Variants in OSBPL5 observed in about 807,000 individuals in gnomAD.
OSBPL5 encodes oxysterol-binding protein-related protein 5.
Under a neutral mutation model 111.2 loss-of-function variants are expected in OSBPL5, and 71 were observed. That is an observed-to-expected ratio of 0.64 (90% CI 0.53 to 0.78). OSBPL5 has a LOEUF of 0.78. OSBPL5 is among the 30% of genes least tolerant of loss of function. OSBPL5 has a pLI of 0.00. For synonymous variants in OSBPL5, 549 were observed against 513.9 expected (o/e 1.07, Z -0.93); for missense variants, 1,210 against 1,189.3 (o/e 1.02, Z -0.26).
At chr11:3,137,945 T>C (rs1845994968) in intron 1 of OSBPL5, among the ~76,000 whole-genome samples, 1 of 152,352 alleles carries the variant, frequency 6.6e-6, no homozygotes, top group Middle Eastern at 3.4e-3. Context: ...GCTGTGGAGC[T>C]GAGGGGGAGG....
At chr11:3,103,800 GCAGCCC>G (rs1564830267) in intron 10 of OSBPL5, among the ~76,000 whole-genome samples, 20 of 43,020 alleles carry the variant, frequency 4.6e-4, no homozygotes, top group South Asian at 1.3e-3. Flanking sequence ...TCCTGCCTCT[GCAGCCC>G]TCTTCCTGCC....
chr11:3,114,715 C>A (rs1247539978), intron 7 of OSBPL5, among the ~76,000 whole-genome samples: 1 of 151,318 alleles, frequency 6.6e-6, no homozygotes, highest in Non-Finnish European at 1.5e-5. Flanking sequence ...TCTCCTGCCC[C>A]AGCCTCCTGA....
chr11:3,157,348 CA>C (rs1264291555), intron 1 of OSBPL5, among the ~76,000 whole-genome samples: 9 of 152,182 alleles, frequency 5.9e-5, no homozygotes, highest in African/African-American at 2.2e-4. Flanking sequence ...TACGAGAGGT[CA>C]CCCTGATGAG....
chr11:3,148,863 G>A (rs1846463509), intron 1 of OSBPL5, among the ~76,000 whole-genome samples: 2 of 152,286 alleles, frequency 1.3e-5, no homozygotes, highest in East Asian at 1.9e-4. Context: ...TCAAGTAACC[G>A]GCACAAGATA....
At chr11:3,088,898 C>T (rs906688506) in intron 21 of OSBPL5, among the ~76,000 whole-genome samples, 10 of 152,098 alleles carry the variant, frequency 6.6e-5, no homozygotes, top group Admixed American at 3.9e-4. Context: ...CTCCAGCCTC[C>T]GGGACCGCGA....
Position 3,107,512 on chromosome 11 carries a change from C to A in OSBPL5, c.867-57G>T. 6.4e-7 allele frequency: 1 copy of A among 1,569,304 alleles called. No homozygotes were observed. Among genetic ancestry groups the A allele is most frequent in the South Asian group, 1.1e-5 (1 of 88,978 alleles). On this transcript the variant is annotated intron_variant, in intron 8 of 21. Coordinates refer to ENST00000263650, the MANE Select transcript of OSBPL5 (RefSeq NM_020896.4). This position sits in a 1 kb window ranked among gnomAD's most constrained non-coding sequence, Gnocchi z 6.1. ...TCACAGGTGAGAGCCCAGCACAGCC[C>A]TCTGGGCTGCCCACCCCTCGCTGCT...
intron 3 of OSBPL5, among the ~76,000 whole-genome samples, chr11:3,123,236 C>T (rs919682778): frequency 1.3e-5 from 2 of 152,180 alleles, no homozygotes; most frequent in Non-Finnish European, 2.9e-5. Context: ...CGAGTTGGGA[C>T]ACAGAACCAG....
intron 13 of OSBPL5, among the ~76,000 whole-genome samples, 193 bp from the exon 14 acceptor site, chr11:3,100,449 CAGGACATCTGTGCTG>C (rs1334570279): frequency 6.6e-6 from 1 of 152,218 alleles, no homozygotes; most frequent in Non-Finnish European, 1.5e-5. Context: ...CCAGTGTGCA[CAGGACATCTGTGCTG>C]AGAAGTTATT....
intron 1 of OSBPL5, among the ~76,000 whole-genome samples, chr11:3,159,874 A>G (rs1213196193): frequency 6.6e-6 from 1 of 152,124 alleles, no homozygotes; most frequent in Non-Finnish European, 1.5e-5. Flanking sequence ...CATGAGCCTC[A>G]CTTTACAGAC....
In OSBPL5 at chr11:3,104,117, A is replaced by G. The variant is rs1027628365; in HGVS notation, c.1244+76T>C. 1 of 1,456,838 alleles carries G rather than the reference A, an allele frequency of 6.9e-7. No homozygotes were observed. Among genetic ancestry groups the G allele is most frequent in the Non-Finnish European group, 9.3e-7 (1 of 1,074,290 alleles). The allele number at this position is 1,456,838 out of a possible 1,614,324, so 90.2% of individuals were successfully genotyped here. On this transcript the variant is annotated intron_variant, in intron 10 of 21. Transcript: ENST00000263650. This position sits in a 1 kb window ranked among gnomAD's most constrained non-coding sequence, Gnocchi z 5.0. ...CTCTGGAAGCCCCCACAGGGCAGGT[A>G]GGGGCTGGGGGTGCTGCAGGGTCTC...
At chr11:3,120,931 A>C (rs1858387558) in intron 5 of OSBPL5, among the ~76,000 whole-genome samples, 1 of 152,220 alleles carries the variant, frequency 6.6e-6, no homozygotes, top group African/African-American at 2.4e-5. Flanking sequence ...GTTATGGTGA[A>C]TGCAAAGAAA....
In OSBPL5 at chr11:3,146,353, G is replaced by C. The variant is rs888881140; in HGVS notation, c.-21-17184C>G. ...CACTCCGGGGGAGGTGAGGGCAGAC[G>C]AGGAGGGGAACTCACGGGAAGGTAG... On this transcript the variant is annotated intron_variant, in intron 1 of 21. Transcript: ENST00000263650. This position sits in a 1 kb window ranked among gnomAD's most constrained non-coding sequence, Gnocchi z 7.8. The C allele has an allele frequency of 6.6e-6, 1 of 152,378 alleles. No individual in the cohort carries two copies. Among genetic ancestry groups the C allele is most frequent in the Non-Finnish European group, 1.5e-5 (1 of 68,168 alleles). The allele number at this position is 152,378 out of a possible 1,614,324, so 9.4% of individuals were successfully genotyped here.
In OSBPL5 at chr11:3,130,193, T is replaced by C. The variant is rs182279928; in HGVS notation, c.-21-1024A>G. Among the ~76,000 whole-genome samples, 9 of 152,360 alleles carry C rather than the reference T, an allele frequency of 5.9e-5. No individual in the cohort carries two copies. Among genetic ancestry groups the C allele is most frequent in the South Asian group, 2.1e-4 (1 of 4,830 alleles). On this transcript the variant is annotated intron_variant, in intron 1 of 21. Coordinates refer to ENST00000263650, the MANE Select transcript of OSBPL5 (RefSeq NM_020896.4). This position sits in a 1 kb window ranked among gnomAD's most constrained non-coding sequence, Gnocchi z 4.5. ...GCTCAGGGAGTGGAAGGCCTCGACC[T>C]GTAATCGTGACCTGACAAGGGTTGG...
Position 3,103,280 on chromosome 11 carries a change from C to A in OSBPL5, c.1285G>T (p.Val429Leu), listed in dbSNP as rs756022679. 6.2e-7 allele frequency: 1 copy of A among 1,608,772 alleles called. No individual in the cohort carries two copies. Among genetic ancestry groups the A allele is most frequent in the Non-Finnish European group, 8.5e-7 (1 of 1,177,654 alleles). The change falls in exon 11 of 22, where the codon GTG becomes TTG. Residue 429 changes from valine (V) to leucine (L), a missense_variant. Physicochemically the swap from Val to Leu is conservative, Grantham distance 32 (BLOSUM62 1). Transcript: ENST00000263650. The stretch of plus-strand genomic sequence containing the variant: ...AAGCCAGACAGGTACCACCGCAGCA[C>A]CAGCTTCATGCGGCTGTAGGCATCC... ...EEDAYSRMKL[V>L]LRWYLSGFYK...
At chr11:3,111,205 A>G (rs1857913993) in intron 7 of OSBPL5, among the ~76,000 whole-genome samples, 1 of 143,514 alleles carries the variant, frequency 7.0e-6, no homozygotes, top group Non-Finnish European at 1.5e-5. Context: ...GTCGAGATCT[A>G]AAGTTTATTT....
intron 20 of OSBPL5, 138 bp downstream of exon 20, chr11:3,090,420 T>C: frequency 8.2e-7 from 1 of 1,215,406 alleles, no homozygotes; most frequent in Non-Finnish European, 1.1e-6. Flanking sequence ...GGGGGGCCCC[T>C]CAGGGCAGCA....
At chr11:3,139,282 C>G (rs948932482) in intron 1 of OSBPL5, among the ~76,000 whole-genome samples, 1 of 150,468 alleles carries the variant, frequency 6.6e-6, no homozygotes, top group Non-Finnish European at 1.5e-5. Flanking sequence ...GGAGGCTGTG[C>G]GGGACGGGTG....
At chr11:3,159,187 C>T (rs1297513805) in intron 1 of OSBPL5, among the ~76,000 whole-genome samples, 1 of 152,116 alleles carries the variant, frequency 6.6e-6, no homozygotes, top group Non-Finnish European at 1.5e-5. Flanking sequence ...ACATGAGGGT[C>T]GGTTTCTGCC....
Position 3,088,899 on chromosome 11 carries a change from G to A in OSBPL5, c.2502-556C>T, listed in dbSNP as rs143212440. Among the ~76,000 whole-genome samples the A allele has an allele frequency of 8.5e-5, 13 of 152,174 alleles. No individual in the cohort carries two copies. The East Asian group carries it at 2.5e-3, about 29-fold the overall frequency. ...ACCGAGATCTTGGACTCCAGCCTCC[G>A]GGACCGCGAGGGAGTAGACGCGCTG... On this transcript the variant is annotated intron_variant, in intron 21 of 21. Transcript: ENST00000263650.
Sources: gnomAD v4.1 joint callset for allele counts (sites outside exome capture counted in the v4.1 genomes callset) on GRCh38, gnomAD v4.1.1 for gene constraint, Gnocchi (gnomAD v3.1) non-coding constraint, MANE v1.5 for transcripts, NCBI Gene and HGNC (gene_info 2026-07-23, HGNC 2026-07-21) for gene names.